Variants in NOTCH2 observed in about 807,000 individuals in gnomAD.
The protein encoded by NOTCH2 is neurogenic locus notch homolog protein 2.
A neutral mutation model predicts 235.8 loss-of-function variants in NOTCH2; 29 were observed. That is an observed-to-expected ratio of 0.12 (90% CI 0.09 to 0.17). The LOEUF is 0.17. Among genes scored for constraint, NOTCH2 ranks in the 10% least tolerant of loss-of-function variants. NOTCH2 has a pLI of 1.00. For synonymous variants in NOTCH2, 1,086 were observed against 1,141.5 expected (o/e 0.95, Z 0.98); for missense variants, 2,285 against 3,150.2 (o/e 0.73, Z 6.57).
At chr1:119,936,292 GAGA>G (rs1425216441) in intron 21 of NOTCH2, among the ~76,000 whole-genome samples, 1 of 152,208 alleles carries the variant, frequency 6.6e-6, no homozygotes, top group Non-Finnish European at 1.5e-5. Context: ...AGAAGGATCA[GAGA>G]AGGAGTCTAG....
chr1:119,918,281 A>G (rs1000593133), intron 32 of NOTCH2, 125 bp downstream of exon 32: 1 of 1,073,848 alleles, frequency 9.3e-7, no homozygotes, highest in African/African-American at 1.5e-5. Context: ...GCATGAATGA[A>G]AGAATGAGTG....
chr1:119,959,303 G>C (rs1348515385), intron 12 of NOTCH2, 89 bp downstream of exon 12: 7 of 798,628 alleles, frequency 8.8e-6, no homozygotes, highest in Admixed American at 1.8e-5. Flanking sequence ...AAAGAAATAG[G>C]AAACACTTGA....
intron 18 of NOTCH2, among the ~76,000 whole-genome samples, chr1:119,941,231 G>T (rs917612714): frequency 6.6e-6 from 1 of 152,184 alleles, no homozygotes; most frequent in Non-Finnish European, 1.5e-5. Flanking sequence ...GGAATTTTTG[G>T]ATTTTTGAAA....
chr1:119,957,384 A>T (rs1271437695), intron 12 of NOTCH2, among the ~76,000 whole-genome samples: 1 of 152,270 alleles, frequency 6.6e-6, no homozygotes, highest in Non-Finnish European at 1.5e-5. Flanking sequence ...GAAGTATCAC[A>T]TAATTCCTTA....
intron 3 of NOTCH2, among the ~76,000 whole-genome samples, chr1:120,001,394 G>C (rs1220398463): frequency 2.0e-5 from 3 of 152,044 alleles, no homozygotes; most frequent in Non-Finnish European, 2.9e-5. Flanking sequence ...ACCTCCACCA[G>C]AGTTTCCTCT....
chr1:119,966,626 G>A (rs1414487745), intron 8 of NOTCH2, 137 bp from the exon 9 acceptor site: 7 of 711,242 alleles, frequency 9.8e-6, no homozygotes, highest in Middle Eastern at 4.6e-4. Flanking sequence ...ACTCTGCCAT[G>A]ATGAGAAATA....
rs1352623801 is a variant in NOTCH2 at position 120,015,031 on chromosome 1, CA to C, written c.156-9444del. Among the ~76,000 whole-genome samples the C allele has an allele frequency of 4.4e-5, 6 of 137,702 alleles. No homozygotes were observed. In the South Asian group the frequency reaches 1.2e-3, roughly 26 times the overall value. 90.3% of individuals were successfully genotyped at this position (137,702 alleles called of 152,430 possible). On this transcript the variant is annotated intron_variant, in intron 2 of 33. Transcript: ENST00000256646. ...TTTTAAAAACGAGGATTTGGCCATTCAAAAAAAAACAACAACAACAACAAAG... is the reference window on the plus strand; with the variant it reads ...TTTTAAAAACGAGGATTTGGCCATTCAAAAAAAACAACAACAACAACAAAG...
rs868969353 is a variant in NOTCH2, at chr1:120,069,258, G to A, written c.73+76C>T. The A allele has an allele frequency of 3.9e-6, 6 of 1,525,918 alleles. No homozygotes were observed. The African/African-American group carries it at 5.5e-5, about 14-fold the overall frequency. The allele number at this position is 1,525,918 out of a possible 1,614,324, so 94.5% of individuals were successfully genotyped here. A position where few individuals can be genotyped will look rare whatever the true frequency, so the allele number is the denominator to read the frequency against. ...GAGCCTGGCCTTCCCACACAGAGAA[G>A]GACCGAGGGGGAGAAGGGTCGCCCC... On this transcript the variant is annotated intron_variant, in intron 1 of 33. Coordinates refer to ENST00000256646, the MANE Select transcript of NOTCH2 (RefSeq NM_024408.4).
intron 1 of NOTCH2, among the ~76,000 whole-genome samples, chr1:120,037,492 C>T (rs1654354434): frequency 2.0e-5 from 3 of 151,640 alleles, no homozygotes; most frequent in Admixed American, 2.0e-4. Context: ...TCATAGCGCC[C>T]TGCAATTTCA....
At chr1:119,978,319 G>T (rs1260890959) in intron 5 of NOTCH2, among the ~76,000 whole-genome samples, 5 of 152,094 alleles carry the variant, frequency 3.3e-5, no homozygotes, top group African/African-American at 4.8e-5. Flanking sequence ...TGGAGAGGGA[G>T]TTACATGCAC....
intron 7 of NOTCH2, 106 bp downstream of exon 7, chr1:119,967,971 G>T: frequency 7.9e-7 from 1 of 1,259,304 alleles, no homozygotes; most frequent in Non-Finnish European, 1.2e-6. Flanking sequence ...AGTAATCTGA[G>T]GTTTGGGTGT....
intron 5 of NOTCH2, 119 bp from the exon 6 acceptor site, chr1:119,969,863 C>T (rs913371311): frequency 2.2e-6 from 2 of 894,306 alleles, no homozygotes; most frequent in Non-Finnish European, 3.6e-6. Flanking sequence ...AAGCAGAGCT[C>T]CAGAAGGCTG....
chr1:119,934,442 A>G (rs963563187), intron 22 of NOTCH2, among the ~76,000 whole-genome samples: 16 of 152,230 alleles, frequency 1.1e-4, no homozygotes, highest in African/African-American at 3.9e-4. Context: ...CAAACTAACA[A>G]TGAACTGGAA....
chr1:119,994,397 T>C (rs1186309189), intron 4 of NOTCH2: 1 of 107,144 alleles, frequency 9.3e-6, no homozygotes, highest in Non-Finnish European at 1.8e-5. Context: ...TCTATTGTTT[T>C]GAATTCTCTT....
chr1:119,919,412 T>C lies in NOTCH2; in HGVS notation c.5681A>G (p.Lys1894Arg). ...AARYSRADAA[K>R]RLLDAGADAN... Reference sequence around the variant, plus strand: ...ATCTGCACCTGCATCCAGGAGACGCTTGGCAGCATCAGCCCGTGAGTAGCG... The same window carrying C: ...ATCTGCACCTGCATCCAGGAGACGCCTGGCAGCATCAGCCCGTGAGTAGCG... Residue 1894 changes from lysine (K) to arginine (R), a missense_variant, in exon 31 of 34, where the codon AAG becomes AGG. By Grantham distance (26) the Lys-to-Arg change is conservative. Transcript: ENST00000256646. 1.2e-6 allele frequency: 2 copies of C among 1,613,814 alleles called. No homozygotes were observed. The highest frequency in any genetic ancestry group is 1.7e-6 in the Non-Finnish European group (2 of 1,180,032).
chr1:120,000,300 C>T (rs1652698160), intron 3 of NOTCH2, among the ~76,000 whole-genome samples: 1 of 152,002 alleles, frequency 6.6e-6, no homozygotes, highest in Non-Finnish European at 1.5e-5. Flanking sequence ...CTTTGGGAGG[C>T]CGAGGCAGGT....
intron 10 of NOTCH2, among the ~76,000 whole-genome samples, chr1:119,964,536 G>A (rs1553199427): frequency 6.6e-6 from 1 of 152,082 alleles, no homozygotes; most frequent in Non-Finnish European, 1.5e-5. Context: ...TTAACTATTT[G>A]CAAAAAGAAA....
At chr1:120,030,328 T>TAATA (rs2101331431) in intron 1 of NOTCH2, among the ~76,000 whole-genome samples, 1 of 148,338 alleles carries the variant, frequency 6.7e-6, no homozygotes, top group East Asian at 2.0e-4. Context: ...ATGAGTATTA[T>TAATA]AAGGATTCAT....
At chr1:119,933,348 G>A (rs1649732210) in intron 22 of NOTCH2, among the ~76,000 whole-genome samples, 1 of 152,058 alleles carries the variant, frequency 6.6e-6, no homozygotes, top group Non-Finnish European at 1.5e-5. Flanking sequence ...AGAGTTTCCT[G>A]GAATGTTTAC....
Sources: allele counts gnomAD v4.1 joint callset (sites outside exome capture counted in the v4.1 genomes callset), GRCh38; gene constraint gnomAD v4.1.1; transcripts MANE v1.5; gene names NCBI Gene and HGNC (gene_info 2026-07-23, HGNC 2026-07-21).